CACNA1A: variants seen among roughly 807,000 people sequenced by gnomAD.
The protein encoded by CACNA1A is calcium voltage-gated channel subunit alpha1 A, also known as voltage-dependent P/Q-type calcium channel subunit alpha-1A.
CACNA1A carries 57 observed loss-of-function variants against 262.4 expected under a neutral mutation model. That is an observed-to-expected ratio of 0.22 (90% confidence interval 0.18 to 0.27). The LOEUF is 0.27. Among genes scored for constraint, CACNA1A ranks in the 10% least tolerant of loss-of-function variants. The pLI is 1.00. For synonymous variants in CACNA1A, 1,431 were observed against 1,419.3 expected (o/e 1.01, Z -0.18); for missense variants, 2,526 against 3,562.8 (o/e 0.71, Z 7.41).
chr19:13,235,910 G>C (rs2055857195), intron 31 of CACNA1A, 180 bp from the exon 32 acceptor site: 1 of 563,578 alleles, frequency 1.8e-6, no homozygotes, highest in African/African-American at 1.9e-5. Flanking sequence ...ACTCGAAAAA[G>C]GAATAATGTT....
intron 6 of CACNA1A, among the ~76,000 whole-genome samples, chr19:13,346,616 TTATATATATATATATATATATA>T (rs74181778): frequency 0.022 from 1,092 of 50,338 alleles, 55 homozygotes; most frequent in East Asian, 0.056. Flanking sequence ...TTTTAATTGA[TTATATATATATATATATATATA>T]TATATATATA....
At chr19:13,235,309 G>A in intron 32 of CACNA1A, 35 bp from the exon 33 acceptor site, 1 of 1,543,870 alleles carries the variant, frequency 6.5e-7, no homozygotes, top group Non-Finnish European at 8.8e-7. Flanking sequence ...AAGAGTGCTG[G>A]GGGTCCCTCA....
intron 10 of CACNA1A, among the ~76,000 whole-genome samples, chr19:13,325,417 T>C (rs8108604): frequency 0.24 from 37,166 of 151,960 alleles, 5,737 homozygotes; most frequent in African/African-American, 0.44. Flanking sequence ...ATTGGGATTA[T>C]AGGCATGAGC....
chr19:13,207,876 GC>G lies in CACNA1A; in HGVS notation c.6957del (p.Gln2319HisfsTer289), dbSNP rs2054625822. On this transcript the variant is annotated frameshift_variant, in exon 47 of 47. Transcript: ENST00000360228. LOFTEE classifies it low-confidence loss of function (END_TRUNC). The surrounding 1 kb of genome is among the most constrained non-coding windows in gnomAD (Gnocchi z 5.7). ...GCCACCGCCTGCTGCTGCTGCTGCTGCTGCTGCTGCTGCTGCTGCTGCGGGG... is the reference window on the plus strand; with the variant it reads ...GCCACCGCCTGCTGCTGCTGCTGCTGTGCTGCTGCTGCTGCTGCTGCGGGG... Reference protein sequence around the residue: ...SGPPQQQQQQQQQQQQQAVAR... With the variant: ...SGPPQQQQQQXQQQQQQAVAR... 8.3e-7 allele frequency: 1 copy of G among 1,199,320 alleles called. No individual in the cohort carries two copies. 74.3% of individuals were successfully genotyped at this position (1,199,320 alleles called of 1,614,324 possible).
At chr19:13,279,688 T>G (rs1349406164) in intron 22 of CACNA1A, among the ~76,000 whole-genome samples, 1 of 152,162 alleles carries the variant, frequency 6.6e-6, no homozygotes, top group Admixed American at 6.5e-5. Context: ...TTTTACCATA[T>G]TGGCCAGTCT....
At position 13,241,410 on chromosome 19, in the gene CACNA1A, C is replaced by T. The variant is rs970060979; in HGVS notation, c.4950+3772G>A. The T allele has an allele frequency of 4.3e-5, 32 of 744,156 alleles. No homozygotes were observed. The highest frequency in any genetic ancestry group is 1.0e-4 in the Admixed American group (5 of 49,876). The allele number at this position is 744,156 out of a possible 1,614,324, so 46.1% of individuals were successfully genotyped here. On this transcript the variant is annotated intron_variant, in intron 31 of 46. Coordinates refer to ENST00000360228, the MANE Select transcript of CACNA1A (RefSeq NM_001127222.2). This position sits in a 1 kb window ranked among gnomAD's most constrained non-coding sequence, Gnocchi z 4.0. ...GAGGAGAGCGGAGGGTTGAGGAGAG[C>T]GTCAGGCATCCCACGTTGGAGAGGC...
rs375611928 is a variant in CACNA1A, at chr19:13,227,396, T to C, written c.5625+35A>G. 2.1e-5 allele frequency: 23 copies of C among 1,083,748 alleles called. No homozygotes were observed. In the African/African-American group the frequency reaches 3.2e-4, roughly 15 times the overall value. The allele number at this position is 1,083,748 out of a possible 1,614,324, so 67.1% of individuals were successfully genotyped here. On this transcript the variant is annotated intron_variant, in intron 37 of 46. Transcript: ENST00000360228. ...AGAAGAAGAAGAAAAAAAAACCCAG[T>C]GCCTGGACGTCGGTGGTCGGCAAGG... is the stretch of plus-strand genomic sequence containing the variant.
At chr19:13,362,944 T>C (rs1411274118) in intron 5 of CACNA1A, 1 of 152,296 alleles carries the variant, frequency 6.6e-6, no homozygotes, top group Non-Finnish European at 1.5e-5. Context: ...CGAAACACTC[T>C]GAGCGTTGCT....
chr19:13,450,987 A>G (rs2060904998), intron 3 of CACNA1A: 1 of 152,232 alleles, frequency 6.6e-6, no homozygotes, highest in Non-Finnish European at 1.5e-5. Context: ...ACAATAAAAA[A>G]GTTAGCCACT....
At position 13,214,493 on chromosome 19, in the gene CACNA1A, GCT is replaced by G. The variant is rs776065476; in HGVS notation, c.5839+6_5839+7del. 1 of 1,607,840 alleles carries G rather than the reference GCT, an allele frequency of 6.2e-7. No individual in the cohort carries two copies. Among genetic ancestry groups the G allele is most frequent in the Non-Finnish European group, 8.5e-7 (1 of 1,174,632 alleles). On this transcript the variant is annotated splice_donor_region_variant and intron_variant, in intron 39 of 46. Transcript: ENST00000360228. The surrounding 1 kb of genome is among the most constrained non-coding windows in gnomAD (Gnocchi z 4.1). ...GGATTGGATCCCAGGGCTGGGCTCA[GCT>G]CTTACACTTGTGAGGTGTGACCAGC...
chr19:13,299,489 CTG>C, intron 18 of CACNA1A, 136 bp from the exon 19 acceptor site: 2 of 761,446 alleles, frequency 2.6e-6, no homozygotes, highest in Non-Finnish European at 4.4e-6. Context: ...TGCTAGGAGT[CTG>C]TGAGCATCTG....
intron 10 of CACNA1A, among the ~76,000 whole-genome samples, chr19:13,322,806 G>T (rs2058281815): frequency 6.6e-6 from 1 of 152,126 alleles, no homozygotes; most frequent in Non-Finnish European, 1.5e-5. Context: ...ATGTTGGTCA[G>T]CCTGCTTCTC....
chr19:13,500,744 G>A (rs1450500787), intron 1 of CACNA1A, among the ~76,000 whole-genome samples: 1 of 152,140 alleles, frequency 6.6e-6, no homozygotes, highest in Non-Finnish European at 1.5e-5. Flanking sequence ...AAACCCATAA[G>A]CCAATGTTTA....
chr19:13,419,253 G>A (rs1462794490), intron 3 of CACNA1A, among the ~76,000 whole-genome samples: 3 of 152,222 alleles, frequency 2.0e-5, no homozygotes, highest in Admixed American at 1.3e-4. Flanking sequence ...GTGCAGGTTT[G>A]CAGCCTAGGT....
In CACNA1A at chr19:13,207,431, TGCCGAGAAGGCGAGGCGCAGGCCGG is replaced by T. The variant is rs2144488778; in HGVS notation, c.7378_7402del (p.Pro2460ThrfsTer140). 6.6e-7 allele frequency: 1 copy of T among 1,521,914 alleles called. No individual in the cohort carries two copies. The highest frequency in any genetic ancestry group is 8.8e-7 in the Non-Finnish European group (1 of 1,138,968). 94.3% of individuals were successfully genotyped at this position (1,521,914 alleles called of 1,614,324 possible). A position where few individuals can be genotyped will look rare whatever the true frequency, so the allele number is the denominator to read the frequency against. On this transcript the variant is annotated frameshift_variant, in exon 47 of 47. Coordinates refer to ENST00000360228, the MANE Select transcript of CACNA1A (RefSeq NM_001127222.2). LOFTEE classifies it high-confidence loss of function. This position sits in a 1 kb window ranked among gnomAD's most constrained non-coding sequence, Gnocchi z 5.7. ...GTAGCCGTTGGGGAGTCGCCGGCCG[TGCCGAGAAGGCGAGGCGCAGGCCGG>T]GCCCGAGGCCCGGGGAGTCCTGGGC...
chr19:13,363,633 T>G (rs889823432), intron 5 of CACNA1A: 1 of 152,028 alleles, frequency 6.6e-6, no homozygotes, highest in African/African-American at 2.4e-5. Flanking sequence ...GCGGATCCAC[T>G]TGGGGGTCAC....
rs530778875 is a variant in CACNA1A, at chr19:13,241,639, C to T, written c.4950+3543G>A. ...CCAGTGCCAAAAAACCAATGGGTTT[C>T]GGTTCCCGGGCGGGGAGTGGGGGTG... On this transcript the variant is annotated intron_variant, in intron 31 of 46. Coordinates refer to ENST00000360228, the MANE Select transcript of CACNA1A (RefSeq NM_001127222.2). This position sits in a 1 kb window ranked among gnomAD's most constrained non-coding sequence, Gnocchi z 4.0. 1.2e-3 allele frequency: 593 copies of T among 484,540 alleles called. 2 individuals carry two copies. The highest frequency in any genetic ancestry group is 1.6e-3 in the Non-Finnish European group (390 of 250,726). 30.0% of individuals were successfully genotyped at this position (484,540 alleles called of 1,614,324 possible).
chr19:13,437,691 C>CAAAA (rs35266881), intron 3 of CACNA1A, among the ~76,000 whole-genome samples: 6 of 64,916 alleles, frequency 9.2e-5, no homozygotes, highest in South Asian at 6.2e-4. Context: ...AACCCCATCT[C>CAAAA]AAAAAAAAAA....
intron 1 of CACNA1A, among the ~76,000 whole-genome samples, chr19:13,489,473 A>G (rs1239224563): frequency 2.0e-5 from 3 of 151,952 alleles, no homozygotes; most frequent in Non-Finnish European, 4.4e-5. Flanking sequence ...ATTTTTTTGT[A>G]GAGACGGGGT....
Sources: gnomAD v4.1 joint callset for allele counts (sites outside exome capture counted in the v4.1 genomes callset) on GRCh38, gnomAD v4.1.1 for gene constraint, Gnocchi (gnomAD v3.1) non-coding constraint, MANE v1.5 for transcripts, NCBI Gene and HGNC (gene_info 2026-07-23, HGNC 2026-07-21) for gene names.